NLGN1: variants seen among roughly 807,000 people sequenced by gnomAD.
NLGN1 encodes the protein neuroligin-1.
Under a neutral mutation model 65.5 loss-of-function variants are expected in NLGN1, and 12 were observed. That is an observed-to-expected ratio of 0.18 (90% confidence interval 0.12 to 0.30). The LOEUF (loss-of-function observed/expected upper bound fraction) is 0.30. NLGN1 is among the 10% of genes least tolerant of loss of function. The pLI, the probability that NLGN1 is intolerant of heterozygous loss-of-function variation, is 1.00. For synonymous variants in NLGN1, 350 were observed against 359.5 expected (o/e 0.97, Z 0.30); for missense variants, 750 against 1,007.1 (o/e 0.74, Z 3.46).
At chr3:173,753,678 A>G (rs1177995975) in intron 3 of NLGN1, among the ~76,000 whole-genome samples, 1 of 151,988 alleles carries the variant, frequency 6.6e-6, no homozygotes, top group Non-Finnish European at 1.5e-5. Context: ...ATATCATATT[A>G]TCTCTTGCCT....
chr3:173,834,302 C>G (rs568590164), intron 4 of NLGN1, among the ~76,000 whole-genome samples: 1 of 152,224 alleles, frequency 6.6e-6, no homozygotes, highest in Admixed American at 6.5e-5. Context: ...TGGCTAAACT[C>G]TGCTCTTTAT....
At chr3:173,402,128 G>A (rs1163682031) in intron 1 of NLGN1, among the ~76,000 whole-genome samples, 1 of 152,132 alleles carries the variant, frequency 6.6e-6, no homozygotes, top group Non-Finnish European at 1.5e-5. Flanking sequence ...TATTTAGAAA[G>A]ATAACACATG....
At chr3:174,014,238 T>C (rs1442623875) in intron 4 of NLGN1, among the ~76,000 whole-genome samples, 1 of 152,240 alleles carries the variant, frequency 6.6e-6, no homozygotes. Context: ...TTAGGATATG[T>C]AAACTACATT....
intron 4 of NLGN1, among the ~76,000 whole-genome samples, chr3:173,825,240 A>C (rs1420270724): frequency 6.6e-6 from 1 of 152,086 alleles, no homozygotes; most frequent in Non-Finnish European, 1.5e-5. Context: ...TTTGAGCAAA[A>C]ATTATTTTTG....
At chr3:173,436,922 C>T (rs1301859642) in intron 2 of NLGN1, among the ~76,000 whole-genome samples, 2 of 152,206 alleles carry the variant, frequency 1.3e-5, no homozygotes, top group East Asian at 3.8e-4. Flanking sequence ...TGCCCTTAGG[C>T]CAGTCATAAC....
chr3:173,486,968 A>C (rs1728272199), intron 2 of NLGN1, among the ~76,000 whole-genome samples: 1 of 147,438 alleles, frequency 6.8e-6, no homozygotes, highest in Non-Finnish European at 1.5e-5. Flanking sequence ...TAAGTAAAAC[A>C]GTTCAACTTT....
intron 3 of NLGN1, among the ~76,000 whole-genome samples, chr3:173,664,233 T>C (rs1354435950): frequency 6.6e-6 from 1 of 152,040 alleles, no homozygotes; most frequent in African/African-American, 2.4e-5. Context: ...TATTTATCAG[T>C]ACATTTTAAG....
chr3:173,496,284 C>T lies in NLGN1; in HGVS notation c.-321+61206C>T, dbSNP rs1047670722. On this transcript the variant is annotated intron_variant, in intron 2 of 6. Transcript: ENST00000457714. Reference sequence around the variant, plus strand: ...ATGCCAATACTGCTGGTTCAAGAATCGCATTTGAATAGATAGCTTCTAGAA... The same window carrying T: ...ATGCCAATACTGCTGGTTCAAGAATTGCATTTGAATAGATAGCTTCTAGAA... 1.4e-4 allele frequency among the ~76,000 whole-genome samples: 21 copies of T among 151,824 alleles called. 1 individual carries two copies. The highest frequency in any genetic ancestry group is 1.5e-4 in the African/African-American group (6 of 41,198).
chr3:173,737,339 C>G (rs1277499360), intron 3 of NLGN1, among the ~76,000 whole-genome samples: 1 of 151,854 alleles, frequency 6.6e-6, no homozygotes, highest in Non-Finnish European at 1.5e-5. Flanking sequence ...GTTGTGCAAC[C>G]ATCACCACAA....
At chr3:173,413,417 C>T (rs111344587) in intron 1 of NLGN1, among the ~76,000 whole-genome samples, 5,164 of 151,828 alleles carry the variant, frequency 0.034, 279 homozygotes, top group African/African-American at 0.12. Context: ...CTGACCGATA[C>T]GATGAAACCC....
intron 4 of NLGN1, among the ~76,000 whole-genome samples, chr3:173,869,533 C>T (rs1250514973): frequency 1.3e-5 from 2 of 152,026 alleles, no homozygotes; most frequent in Non-Finnish European, 2.9e-5. Context: ...AATCTATACC[C>T]CAAATCTACC....
At chr3:174,251,156 T>G (rs564304881) in intron 4 of NLGN1, among the ~76,000 whole-genome samples, 1 of 152,328 alleles carries the variant, frequency 6.6e-6, no homozygotes, top group South Asian at 2.1e-4. Flanking sequence ...CTGTAAAATA[T>G]TCACAGAAAT....
chr3:173,993,495 A>G (rs1431902406), intron 4 of NLGN1, among the ~76,000 whole-genome samples: 3 of 152,222 alleles, frequency 2.0e-5, no homozygotes, highest in Non-Finnish European at 2.9e-5. Context: ...TGGTTAGGTC[A>G]GATGTTAAGA....
intron 4 of NLGN1, among the ~76,000 whole-genome samples, chr3:174,128,708 G>A (rs188171349): frequency 2.0e-5 from 3 of 152,168 alleles, no homozygotes; most frequent in East Asian, 1.9e-4. Context: ...TGTCCATTTC[G>A]GGACAAGCTA....
intron 4 of NLGN1, among the ~76,000 whole-genome samples, chr3:174,125,138 C>T (rs930324579): frequency 6.6e-6 from 1 of 152,036 alleles, no homozygotes; most frequent in Admixed American, 6.6e-5. Flanking sequence ...AATGAAAAGC[C>T]ATTCTAAGAG....
intron 4 of NLGN1, among the ~76,000 whole-genome samples, chr3:174,095,100 G>A (rs190060867): frequency 6.6e-5 from 10 of 152,066 alleles, no homozygotes; most frequent in African/African-American, 2.4e-4. Context: ...TCCTGCCTGA[G>A]TACCTGTTTC....
intron 4 of NLGN1, among the ~76,000 whole-genome samples, chr3:174,116,000 C>G (rs969549763): frequency 1.3e-5 from 2 of 152,124 alleles, no homozygotes; most frequent in African/African-American, 4.8e-5. Flanking sequence ...CTTGTACCAT[C>G]TAAAATTTCC....
intron 1 of NLGN1, among the ~76,000 whole-genome samples, chr3:173,405,919 TAA>T (rs2148625230): frequency 6.6e-6 from 1 of 152,194 alleles, no homozygotes; most frequent in African/African-American, 2.4e-5. Flanking sequence ...TAATCAGAAA[TAA>T]AGTCTGTAAT....
chr3:173,527,746 G>A (rs546880255), intron 2 of NLGN1, among the ~76,000 whole-genome samples: 5 of 152,224 alleles, frequency 3.3e-5, no homozygotes, highest in African/African-American at 9.6e-5. Context: ...AGTTGTTTGA[G>A]CTCCTTATAT....
Sources: gnomAD v4.1 joint callset for allele counts (sites outside exome capture counted in the v4.1 genomes callset) on GRCh38, gnomAD v4.1.1 for gene constraint, MANE v1.5 for transcripts, NCBI Gene and HGNC (gene_info 2026-07-23, HGNC 2026-07-21) for gene names.